The following ACAD9 variants were observed in gnomAD, a reference collection of about 807,000 sequenced individuals.
The protein encoded by ACAD9 is complex I assembly factor ACAD9, mitochondrial.
In ACAD9, 53 loss-of-function variants were observed where a neutral mutation model predicts 70.2. The ratio of observed to expected loss-of-function variants is 0.75; its 90% CI spans 0.61 to 0.95. The LOEUF is 0.95. Among genes scored for constraint, ACAD9 ranks in the 40% least tolerant of loss-of-function variants. The probability of loss-of-function intolerance (pLI) is 0.00; values close to 1 mark genes in which losing one functional copy is unlikely to be tolerated. For missense variants in ACAD9, 777 were observed against 802.8 expected, an observed-to-expected ratio of 0.97 and a Z score of 0.39; for synonymous variants, 313 against 312.1, an observed-to-expected ratio of 1.00 and a Z score of -0.03.
intron 6 of ACAD9, among the ~76,000 whole-genome samples, chr3:128,898,147 T>G (rs1385923966): frequency 6.6e-6 from 1 of 152,134 alleles, no homozygotes; most frequent in Non-Finnish European, 1.5e-5. Flanking sequence ...AATGAGCCAC[T>G]GTGCCCGGCT....
chr3:128,879,639 C>A lies in ACAD9; in HGVS notation c.-53C>A. 6.2e-7 allele frequency: 1 copy of A among 1,602,996 alleles called. No homozygotes were observed. The highest frequency in any genetic ancestry group is 1.1e-5 in the South Asian group (1 of 90,614). On this transcript the variant is annotated 5_prime_UTR_variant, in exon 1 of 18. It adds an upstream start codon to the 5' untranslated region. Transcript: ENST00000308982. ...AACGTCATCAGACGTGTGTGTGTCC[C>A]TGCGGCGCTAAGAAGGGGAGACTGA...
intron 3 of ACAD9, among the ~76,000 whole-genome samples, chr3:128,895,028 C>A (rs1053531582): frequency 1.3e-5 from 2 of 151,894 alleles, no homozygotes; most frequent in Admixed American, 6.6e-5. Context: ...AGGCACACAC[C>A]ACCACACCTG....
chr3:128,900,121 G>A (rs1935692414), intron 7 of ACAD9, among the ~76,000 whole-genome samples: 1 of 152,094 alleles, frequency 6.6e-6, no homozygotes, highest in South Asian at 2.1e-4. Flanking sequence ...TTGTAGAGAT[G>A]GGGTTTCAAC....
chr3:128,894,889 T>G (rs1263615888), intron 3 of ACAD9, among the ~76,000 whole-genome samples: 1 of 148,558 alleles, frequency 6.7e-6, no homozygotes, highest in Non-Finnish European at 1.5e-5. Context: ...TTTTTTTTTT[T>G]TTTTTGAGAC....
chr3:128,900,387 G>A (rs147243624), intron 7 of ACAD9, among the ~76,000 whole-genome samples: 77 of 152,276 alleles, frequency 5.1e-4, no homozygotes, highest in African/African-American at 1.8e-3. Context: ...ACAGCTGCCT[G>A]CCACCACGTC....
rs57542754 is a variant in ACAD9, at chr3:128,889,514, A to G, written c.245-4041A>G. Among the ~76,000 whole-genome samples, 649 of 152,318 alleles carry G rather than the reference A, an allele frequency of 4.3e-3. 4 individuals are homozygous for G. Among genetic ancestry groups the G allele is most frequent in the African/African-American group, 0.015 (629 of 41,576 alleles). On this transcript the variant is annotated intron_variant, in intron 2 of 17. Transcript: ENST00000308982. ...AAGTGAACGTACTCATTACCCGTCA[A>G]AGTTTCCTTGTGCCTCTTTTATTTC...
chr3:128,888,068 A>G (rs961982942), intron 2 of ACAD9, among the ~76,000 whole-genome samples: 2 of 152,234 alleles, frequency 1.3e-5, no homozygotes, highest in East Asian at 1.9e-4. Flanking sequence ...TGGAAATCCA[A>G]GTAGCCTGTT....
At position 128,912,539 on chromosome 3, in the gene ACAD9, A is replaced by C; in HGVS notation, c.1798A>C (p.Lys600Gln). Reference sequence around the variant, plus strand: ...AGAAAACCTAGATGAGCAGATTAAGAAAGTGTCCCAGCAGATCCTTGAGAA... The same window carrying C: ...AGAAAACCTAGATGAGCAGATTAAGCAAGTGTCCCAGCAGATCCTTGAGAA... ...APENLDEQIKKVSQQILEKRA... is the reference protein window; with the variant it reads ...APENLDEQIKQVSQQILEKRA... The change falls in exon 18 of 18, where the codon AAA (lysine) becomes CAA (glutamine). Residue 600 changes from lysine to glutamine, a missense_variant. Coordinates refer to ENST00000308982, the MANE Select transcript of ACAD9 (RefSeq NM_014049.5). 6.2e-7 allele frequency: 1 copy of C among 1,614,040 alleles called. No individual in the cohort carries two copies. Among genetic ancestry groups the C allele is most frequent in the Non-Finnish European group, 8.5e-7 (1 of 1,179,940 alleles).
At chr3:128,890,619 G>A (rs922630468) in intron 2 of ACAD9, among the ~76,000 whole-genome samples, 4 of 151,758 alleles carry the variant, frequency 2.6e-5, no homozygotes, top group African/African-American at 9.7e-5. Flanking sequence ...GGAGAATGGC[G>A]TGAACCCGGG....
In ACAD9 at chr3:128,910,291, T is replaced by C. The variant is rs1313849872; in HGVS notation, c.1692+142T>C. 4.0e-6 allele frequency: 6 copies of C among 1,511,146 alleles called. No individual in the cohort carries two copies. In the East Asian group the frequency reaches 1.2e-4, roughly 31 times the overall value. 93.6% of individuals were successfully genotyped at this position (1,511,146 alleles called of 1,614,324 possible). A position where few individuals can be genotyped will look rare whatever the true frequency, so the allele number is the denominator to read the frequency against. On this transcript the variant is annotated intron_variant, in intron 16 of 17. Coordinates refer to ENST00000308982, the MANE Select transcript of ACAD9 (RefSeq NM_014049.5). ...ACCATGCGGTGGCCGTGGGAGGGTC[T>C]GTGCTGCTCAGGAGATGGGGCTGTT...
intron 1 of ACAD9, 96 bp from the exon 2 acceptor site, chr3:128,884,557 A>G (rs1935188726): frequency 2.3e-6 from 2 of 862,042 alleles, no homozygotes; most frequent in Non-Finnish European, 3.8e-6. Flanking sequence ...GCCAGGGTGG[A>G]GTGGAGCACA....
chr3:128,881,407 A>C (rs1462359399), intron 1 of ACAD9, among the ~76,000 whole-genome samples: 1 of 152,240 alleles, frequency 6.6e-6, no homozygotes, highest in Admixed American at 6.5e-5. Context: ...TCACAGGCAC[A>C]GTTACCCCCT....
Position 128,901,358 on chromosome 3 carries a change from C to T in ACAD9, c.882+9C>T, listed in dbSNP as rs1299125624. The T allele has an allele frequency of 7.4e-6, 12 of 1,613,912 alleles. No individual in the cohort carries two copies. Among genetic ancestry groups the T allele is most frequent in the Non-Finnish European group, 1.0e-5 (12 of 1,179,892 alleles). On this transcript the variant is annotated intron_variant, in intron 8 of 17. Coordinates refer to ENST00000308982, the MANE Select transcript of ACAD9 (RefSeq NM_014049.5). ...TCGGAGATGGGTTTAAGGTGAGTTGCCAGCCACAGCCCCTTGTACCAGGTA... is the reference window on the plus strand; with the variant it reads ...TCGGAGATGGGTTTAAGGTGAGTTGTCAGCCACAGCCCCTTGTACCAGGTA...
At chr3:128,890,179 C>G (rs1935377169) in intron 2 of ACAD9, among the ~76,000 whole-genome samples, 1 of 151,696 alleles carries the variant, frequency 6.6e-6, no homozygotes, top group Admixed American at 6.6e-5. Context: ...CCTCCATCTC[C>G]CAGGTTCAAG....
At chr3:128,882,863 C>T (rs1023304218) in intron 1 of ACAD9, among the ~76,000 whole-genome samples, 5 of 152,190 alleles carry the variant, frequency 3.3e-5, no homozygotes, top group African/African-American at 1.2e-4. Context: ...CTCCCACGCC[C>T]CTGCAATCTC....
Position 128,888,803 on chromosome 3 carries a change from C to CT in ACAD9, c.244+4064dup, listed in dbSNP as rs150895592. 3.3e-5 allele frequency among the ~76,000 whole-genome samples: 5 copies of CT among 151,302 alleles called. No individual in the cohort carries two copies. The East Asian group carries it at 9.7e-4, about 29-fold the overall frequency. On this transcript the variant is annotated intron_variant, in intron 2 of 17. Transcript: ENST00000308982. ...TATAATTTAGAAATACTTATTTCTG[C>CT]TTTTTTTCCTAGTGTTTATCTTCCT... is the stretch of plus-strand genomic sequence containing the variant.
intron 2 of ACAD9, among the ~76,000 whole-genome samples, chr3:128,887,242 A>G (rs776511237): frequency 5.3e-5 from 8 of 152,064 alleles, no homozygotes; most frequent in Non-Finnish European, 1.0e-4. Flanking sequence ...TAAAGCAAGA[A>G]ACACACACTT....
chr3:128,905,158 C>CA (rs1042604235), intron 11 of ACAD9, among the ~76,000 whole-genome samples: 3 of 151,332 alleles, frequency 2.0e-5, no homozygotes, highest in Admixed American at 2.0e-4. Flanking sequence ...CAAAAAAAAA[C>CA]AAAAAACAAA....
intron 17 of ACAD9, among the ~76,000 whole-genome samples, chr3:128,911,387 C>G (rs1936298938): frequency 6.6e-6 from 1 of 151,888 alleles, no homozygotes; most frequent in Non-Finnish European, 1.5e-5. Flanking sequence ...TGAGCAAGTG[C>G]AGAGCCCTTT....
Sources: allele counts gnomAD v4.1 joint callset (sites outside exome capture counted in the v4.1 genomes callset), GRCh38; gene constraint gnomAD v4.1.1; transcripts MANE v1.5; gene names NCBI Gene and HGNC (gene_info 2026-07-23, HGNC 2026-07-21).